The following RTF1 variants were observed in gnomAD, a reference collection of about 807,000 sequenced individuals.
RTF1 encodes the protein RNA polymerase-associated protein RTF1 homolog.
In RTF1, 10 loss-of-function variants were observed where a neutral mutation model predicts 95.7. The observed-to-expected ratio is 0.10, with a 90% CI of 0.06 to 0.18. The LOEUF is 0.18. Ranked by LOEUF, RTF1 falls within the 10% of genes least tolerant of loss-of-function variation. RTF1 has a pLI of 1.00. For synonymous variants in RTF1, 305 were observed against 311.8 expected (o/e 0.98, Z 0.23); for missense variants, 458 against 875.6 (o/e 0.52, Z 6.02).
At chr15:41,431,595 A>G in intron 1 of RTF1, among the ~76,000 whole-genome samples, 1 of 151,818 alleles carries the variant, frequency 6.6e-6, no homozygotes, top group East Asian at 1.9e-4. Flanking sequence ...AACCACCCAG[A>G]CTCAAAACAA....
chr15:41,463,855 TTTG>T (rs2050865395), intron 4 of RTF1, among the ~76,000 whole-genome samples: 1 of 151,994 alleles, frequency 6.6e-6, no homozygotes. Flanking sequence ...TTGTTGTTTG[TTTG>T]TTGTTTGTTT....
At chr15:41,471,077 T>C (rs2050909171) in intron 7 of RTF1, 95 bp from the exon 8 acceptor site, 2 of 1,186,990 alleles carry the variant, frequency 1.7e-6, no homozygotes. Context: ...CAGTCACATG[T>C]ACTTTGGTTA....
chr15:41,471,065 GCC>G (rs2050909108), intron 7 of RTF1, 105 bp from the exon 8 acceptor site: 48 of 1,028,880 alleles, frequency 4.7e-5, no homozygotes, highest in Non-Finnish European at 6.6e-5. Context: ...CTCCTCCTAG[GCC>G]AGTCACATGT....
chr15:41,428,842 C>T (rs548576959), intron 1 of RTF1, among the ~76,000 whole-genome samples: 61 of 152,102 alleles, frequency 4.0e-4, no homozygotes, highest in African/African-American at 1.4e-3. Context: ...TGGGCCCAAC[C>T]AGTTCTCCCA....
chr15:41,430,569 G>A (rs140715787), intron 1 of RTF1, among the ~76,000 whole-genome samples: 3 of 151,764 alleles, frequency 2.0e-5, no homozygotes, highest in South Asian at 4.2e-4. Flanking sequence ...ATGAAACCCT[G>A]TCTCTACTAA....
rs1177401132 is a variant in RTF1 at position 41,457,724 on chromosome 15, C to T, written c.510C>T (p.Asp170=). 1 of 1,613,986 alleles carries T rather than the reference C, an allele frequency of 6.2e-7. No homozygotes were observed. Among genetic ancestry groups the T allele is most frequent in the Non-Finnish European group, 8.5e-7 (1 of 1,180,038 alleles). The part of the protein sequence containing the change: ...SNSSSSSSDS[D]SSSEDEEFHD... ...GCTCCTCTTCCAGTTCAGATTCAGACTCTTCCTCAGAAGATGAAGAGTTCC... is the reference window on the plus strand; with the variant it reads ...GCTCCTCTTCCAGTTCAGATTCAGATTCTTCCTCAGAAGATGAAGAGTTCC... The change falls in exon 4 of 18, where the codon GAC becomes GAT. Residue 170 remains aspartate, a synonymous_variant. Transcript: ENST00000389629.
intron 12 of RTF1, among the ~76,000 whole-genome samples, chr15:41,476,862 C>T (rs1009160663): frequency 2.0e-5 from 3 of 152,226 alleles, no homozygotes; most frequent in Non-Finnish European, 4.4e-5. Flanking sequence ...TTCCATTCTT[C>T]ACACTGGGTT....
intron 2 of RTF1, among the ~76,000 whole-genome samples, chr15:41,449,007 C>G (rs2050777061): frequency 6.6e-6 from 1 of 151,550 alleles, no homozygotes; most frequent in Non-Finnish European, 1.5e-5. Flanking sequence ...ACCTTAGCCT[C>G]CTGAATAGCT....
At chr15:41,461,920 CTTTTTTTTTTT>C (rs1225221132) in intron 4 of RTF1, among the ~76,000 whole-genome samples, 1 of 134,288 alleles carries the variant, frequency 7.4e-6, no homozygotes, top group South Asian at 2.4e-4. Context: ...ATTTTTTTTT[CTTTTTTTTTTT>C]TTTTTAGAGA....
intron 4 of RTF1, among the ~76,000 whole-genome samples, chr15:41,461,545 T>C (rs1366742056): frequency 1.3e-5 from 2 of 148,658 alleles, no homozygotes; most frequent in Non-Finnish European, 3.0e-5. Flanking sequence ...CAGGCTGGAG[T>C]GCAGTGGCGC....
chr15:41,476,057 G>A (rs74444512), intron 11 of RTF1, among the ~76,000 whole-genome samples: 4,110 of 152,236 alleles, frequency 0.027, 78 homozygotes, highest in Middle Eastern at 0.082. Context: ...CAACAAATGA[G>A]GCTACATACA....
At chr15:41,479,073 A>G (rs370815893) in intron 15 of RTF1, 30 bp from the exon 16 acceptor site, 6 of 1,517,064 alleles carry the variant, frequency 4.0e-6, no homozygotes, top group East Asian at 2.3e-5. Flanking sequence ...GTGTCAAGCA[A>G]TCTCTAAAAC....
rs1416058793 is a variant in RTF1 at position 41,471,283 on chromosome 15, T to C, written c.1137T>C (p.Ala379=). ...GCTGGTGTCACATGCCCTTCTTTGCTAAAACTGTCACAGGATGTTTTGTGC... is the reference window on the plus strand; with the variant it reads ...GCTGGTGTCACATGCCCTTCTTTGCCAAAACTGTCACAGGATGTTTTGTGC... ...LERWCHMPFF[A]KTVTGCFVRI... is the part of the protein sequence containing the mutation. Residue 379 remains alanine (A), a synonymous_variant, in exon 8 of 18, where the codon GCT becomes GCC. Transcript: ENST00000389629. 6.2e-7 allele frequency: 1 copy of C among 1,613,966 alleles called. No individual in the cohort carries two copies. Among genetic ancestry groups the C allele is most frequent in the East Asian group, 2.2e-5 (1 of 44,890 alleles).
rs966137432 is a variant in RTF1 at position 41,482,983 on chromosome 15, C to T, written c.*2296C>T. 1 of 152,658 alleles carries T rather than the reference C, an allele frequency of 6.6e-6. No individual in the cohort carries two copies. The highest frequency in any genetic ancestry group is 2.4e-5 in the African/African-American group (1 of 41,418). 9.5% of individuals were successfully genotyped at this position (152,658 alleles called of 1,614,324 possible). On this transcript the variant is annotated 3_prime_UTR_variant, in exon 18 of 18. Transcript: ENST00000389629. ...AATAAAATTTTTATTAAAACTGCAT[C>T]ACACTGTAGCCACTTTGCCACCACC...
rs189392138 is a variant in RTF1 at position 41,464,671 on chromosome 15, T to C, written c.663-100T>C. 176 of 998,804 alleles carry C rather than the reference T, an allele frequency of 1.8e-4. 1 individual carries two copies. The East Asian group carries it at 4.5e-3, about 26-fold the overall frequency. The allele number at this position is 998,804 out of a possible 1,614,324, so 61.9% of individuals were successfully genotyped here. On this transcript the variant is annotated intron_variant, in intron 4 of 17. Transcript: ENST00000389629. The stretch of plus-strand genomic sequence containing the variant: ...AGTTTCTTGCAGGAAAGCCAAAATA[T>C]CTATTAGCTCCTTTCCCTTAGTTCC...
At chr15:41,442,080 G>A (rs1328440692) in intron 2 of RTF1, among the ~76,000 whole-genome samples, 1 of 152,210 alleles carries the variant, frequency 6.6e-6, no homozygotes, top group East Asian at 1.9e-4. Flanking sequence ...TATTGCTGCT[G>A]TGGACATTTT....
At chr15:41,467,763 G>A (rs1353695148) in intron 6 of RTF1, among the ~76,000 whole-genome samples, 1 of 151,210 alleles carries the variant, frequency 6.6e-6, no homozygotes, top group South Asian at 2.1e-4. Flanking sequence ...AGTGGCTCAC[G>A]CTTGTAATCC....
At chr15:41,473,224 C>T (rs1368591860) in intron 8 of RTF1, among the ~76,000 whole-genome samples, 1 of 151,964 alleles carries the variant, frequency 6.6e-6, no homozygotes, top group African/African-American at 2.4e-5. Context: ...AGCTCCCACT[C>T]CTGGGTTCAC....
At chr15:41,459,543 T>C (rs957245896) in intron 4 of RTF1, among the ~76,000 whole-genome samples, 36 of 152,338 alleles carry the variant, frequency 2.4e-4, no homozygotes, top group African/African-American at 8.2e-4. Context: ...TCAAATGATA[T>C]GTAAAAATTA....
Sources: allele counts gnomAD v4.1 joint callset (sites outside exome capture counted in the v4.1 genomes callset), GRCh38; gene constraint gnomAD v4.1.1; transcripts MANE v1.5; gene names NCBI Gene and HGNC (gene_info 2026-07-23, HGNC 2026-07-21).